The following MKLN1 variants were observed in gnomAD, a reference collection of about 807,000 sequenced individuals.
The protein encoded by MKLN1 is muskelin 1, also known as muskelin.
A neutral mutation model predicts 99.0 loss-of-function variants in MKLN1; 18 were observed. That is an observed-to-expected ratio of 0.18 (90% CI 0.13 to 0.27). MKLN1 has a LOEUF of 0.27. Ranked by LOEUF, MKLN1 falls within the 10% of genes least tolerant of loss-of-function variation. The probability of loss-of-function intolerance (pLI) is 1.00; values close to 1 mark genes in which losing one functional copy is unlikely to be tolerated. For missense variants in MKLN1, 621 were observed against 875.9 expected, an observed-to-expected ratio of 0.71 and a Z score of 3.67; for synonymous variants, 288 against 293.2, an observed-to-expected ratio of 0.98 and a Z score of 0.18.
chr7:131,443,851 A>G lies in MKLN1; in HGVS notation c.1395+149A>G. 8 of 655,278 alleles carry G rather than the reference A, an allele frequency of 1.2e-5. No individual in the cohort carries two copies. In the South Asian group the frequency reaches 1.5e-4, roughly 13 times the overall value. 40.6% of individuals were successfully genotyped at this position (655,278 alleles called of 1,614,324 possible). On this transcript the variant is annotated intron_variant, in intron 11 of 17. Transcript: ENST00000352689. ...TTCTTTAACAGTGAACTGTTTGCTA[A>G]TTATGAGACTCTTCCCATCAACCTG...
chr7:131,166,987 G>A (rs1041953532), intron 2 of MKLN1, among the ~76,000 whole-genome samples: 9 of 152,136 alleles, frequency 5.9e-5, no homozygotes, highest in East Asian at 1.9e-4. Flanking sequence ...CACTGCGTCC[G>A]GCCTAAGTAT....
At chr7:131,427,679 G>A (rs1004029279) in intron 8 of MKLN1, among the ~76,000 whole-genome samples, 4 of 151,866 alleles carry the variant, frequency 2.6e-5, no homozygotes, top group South Asian at 4.2e-4. Context: ...TCAGCCTCCC[G>A]AATAGTTGGG....
In MKLN1 at chr7:131,247,125, C is replaced by T. The variant is rs114089426; in HGVS notation, c.-179+44151C>T. Among the ~76,000 whole-genome samples the T allele has an allele frequency of 6.8e-3, 1,036 of 152,222 alleles. 16 individuals are homozygous for T. The highest frequency in any genetic ancestry group is 0.023 in the African/African-American group (963 of 41,522). On this transcript the variant is annotated intron_variant, in intron 3 of 7. Coordinates refer to the MKLN1 transcript ENST00000416992. ...TTTTGGTTAAACAAACACTATGGAG[C>T]ACTTCCAAGTACTCTGAGTTGTAAC...
In MKLN1 at chr7:131,208,438, T is replaced by A. The variant is rs571241757; in HGVS notation, c.-179+5464T>A. Among the ~76,000 whole-genome samples the A allele has an allele frequency of 3.3e-5, 5 of 151,994 alleles. No individual in the cohort carries two copies. The East Asian group carries it at 9.7e-4, about 29-fold the overall frequency. ...GGAAAACCCTGTCTCAACAAAAAAATATAAACAATAGCTGGGTGTGGTGGT... is the reference window on the plus strand; with the variant it reads ...GGAAAACCCTGTCTCAACAAAAAAAAATAAACAATAGCTGGGTGTGGTGGT... On this transcript the variant is annotated intron_variant, in intron 3 of 7. Coordinates refer to the MKLN1 transcript ENST00000416992.
intron 2 of MKLN1, among the ~76,000 whole-genome samples, chr7:131,189,664 CTCAGA>C (rs1796506148): frequency 6.6e-6 from 1 of 152,078 alleles, no homozygotes; most frequent in South Asian, 2.1e-4. Flanking sequence ...TGCCTTTATA[CTCAGA>C]CTTCGTGGAG....
intron 4 of MKLN1, among the ~76,000 whole-genome samples, chr7:131,393,372 A>C (rs1794262377): frequency 6.6e-6 from 1 of 152,238 alleles, no homozygotes. Flanking sequence ...CTGGCGTTTG[A>C]AGTGAGTGGA....
intron 1 of MKLN1, among the ~76,000 whole-genome samples, chr7:131,115,750 T>C (rs143031962): frequency 1.3e-5 from 2 of 152,312 alleles, no homozygotes; most frequent in Non-Finnish European, 2.9e-5. Context: ...TCTTGTATTA[T>C]AGGATTTACC....
At chr7:131,292,360 A>G (rs1175707590) in intron 3 of MKLN1, among the ~76,000 whole-genome samples, 2 of 152,206 alleles carry the variant, frequency 1.3e-5, no homozygotes, top group African/African-American at 4.8e-5. Context: ...GGTCATCTGT[A>G]GATGATAAAG....
intron 2 of MKLN1, among the ~76,000 whole-genome samples, chr7:131,166,086 G>T (rs777697756): frequency 3.0e-5 from 4 of 135,502 alleles, no homozygotes; most frequent in African/African-American, 1.1e-4. Context: ...ATGCACTCCA[G>T]CCTGGGAGAC....
intron 1 of MKLN1, among the ~76,000 whole-genome samples, chr7:131,331,257 C>G (rs1300572893): frequency 6.6e-6 from 1 of 152,052 alleles, no homozygotes; most frequent in South Asian, 2.1e-4. Context: ...ATATAGTTTT[C>G]CAGAGGCTTG....
intron 3 of MKLN1, among the ~76,000 whole-genome samples, chr7:131,275,556 TATATATATATA>T (rs200291397): frequency 7.7e-5 from 2 of 26,016 alleles, no homozygotes; most frequent in African/African-American, 2.5e-4. Context: ...TATATATATA[TATATATATATA>T]TTTTTTTTTT....
At chr7:131,419,386 G>A (rs1451875307) in intron 8 of MKLN1, among the ~76,000 whole-genome samples, 4 of 151,570 alleles carry the variant, frequency 2.6e-5, no homozygotes, top group African/African-American at 9.7e-5. Flanking sequence ...GAGTAGCTGG[G>A]ATTACAGGCG....
chr7:131,231,477 T>A lies in MKLN1; in HGVS notation c.-179+28503T>A, dbSNP rs10229034. 5.1e-3 allele frequency among the ~76,000 whole-genome samples: 772 copies of A among 152,286 alleles called. 5 individuals carry two copies. Among genetic ancestry groups the A allele is most frequent in the African/African-American group, 0.018 (730 of 41,552 alleles). ...CCTTGGAAGCAGCAGCATTTATTAG[T>A]GCTGGTTCCAATCAGAGAACTGACA... On this transcript the variant is annotated intron_variant, in intron 3 of 7. Transcript: ENST00000416992.
chr7:131,444,817 TA>T (rs1563352147), intron 11 of MKLN1, among the ~76,000 whole-genome samples: 10 of 111,410 alleles, frequency 9.0e-5, no homozygotes, highest in East Asian at 2.6e-4. Flanking sequence ...GTAGTAGTAG[TA>T]GTAGAAGTGG....
intron 12 of MKLN1, among the ~76,000 whole-genome samples, chr7:131,450,469 T>C (rs1796145741): frequency 6.6e-6 from 1 of 152,216 alleles, no homozygotes; most frequent in African/African-American, 2.4e-5. Flanking sequence ...TCACTTTAAA[T>C]CTTTTAATGG....
At chr7:131,476,948 GT>G (rs1796984188) in intron 16 of MKLN1, among the ~76,000 whole-genome samples, 1 of 152,162 alleles carries the variant, frequency 6.6e-6, no homozygotes, top group Non-Finnish European at 1.5e-5. Context: ...GTGGTCAGTT[GT>G]TTTTTGACCA....
intron 1 of MKLN1, among the ~76,000 whole-genome samples, chr7:131,347,956 C>A (rs1799612800): frequency 6.6e-6 from 1 of 152,096 alleles, no homozygotes; most frequent in African/African-American, 2.4e-5. Flanking sequence ...AGTATAGTAA[C>A]AAACTAATGG....
chr7:131,464,707 C>A (rs1248696066), intron 14 of MKLN1, among the ~76,000 whole-genome samples: 1 of 152,170 alleles, frequency 6.6e-6, no homozygotes, highest in East Asian at 1.9e-4. Context: ...ATGTGACTAT[C>A]CAAGTAAAAT....
At chr7:131,440,067 T>C (rs1202412366) in intron 10 of MKLN1, among the ~76,000 whole-genome samples, 1 of 152,136 alleles carries the variant, frequency 6.6e-6, no homozygotes, top group Non-Finnish European at 1.5e-5. Context: ...AAAGGGAGCC[T>C]AGCAGTTGTA....
Sources: gnomAD v4.1 joint callset for allele counts (sites outside exome capture counted in the v4.1 genomes callset) on GRCh38, gnomAD v4.1.1 for gene constraint, MANE v1.5 for transcripts, NCBI Gene and HGNC (gene_info 2026-07-23, HGNC 2026-07-21) for gene names.